The following LRP1B variants were observed in gnomAD, a reference collection of about 807,000 sequenced individuals.
The protein encoded by LRP1B is LDL receptor related protein 1B.
A neutral mutation model predicts 556.6 loss-of-function variants in LRP1B; 217 were observed. The ratio of observed to expected loss-of-function variants is 0.39; its 90% CI spans 0.35 to 0.44. LRP1B has a LOEUF of 0.44. Ranked by LOEUF, LRP1B falls within the 20% of genes least tolerant of loss-of-function variation. The pLI is 1.00. For missense variants in LRP1B, 5,053 were observed against 5,620.8 expected (o/e 0.90, Z 3.23); for synonymous variants, 2,047 against 1,865.8 (o/e 1.10, Z -2.50).
chr2:141,474,687 T>C (rs1682633025), intron 3 of LRP1B, among the ~76,000 whole-genome samples: 1 of 152,186 alleles, frequency 6.6e-6, no homozygotes, highest in Non-Finnish European at 1.5e-5. Context: ...GGGGATCTTT[T>C]TCTTTTTTAG....
intron 43 of LRP1B, among the ~76,000 whole-genome samples, chr2:140,555,617 T>C (rs1484236704): frequency 6.6e-6 from 1 of 152,148 alleles, no homozygotes; most frequent in African/African-American, 2.4e-5. Context: ...GGTTTAGACC[T>C]GTTAAATAAG....
intron 3 of LRP1B, among the ~76,000 whole-genome samples, chr2:141,416,382 A>T (rs1305148681): frequency 6.6e-6 from 1 of 151,822 alleles, no homozygotes; most frequent in African/African-American, 2.4e-5. Context: ...GGATTAATTT[A>T]GGCAAGACAT....
At chr2:141,439,732 A>G (rs1680888871) in intron 3 of LRP1B, among the ~76,000 whole-genome samples, 7 of 152,172 alleles carry the variant, frequency 4.6e-5, no homozygotes, top group Admixed American at 3.3e-4. Context: ...TGTATGACTC[A>G]GAGGAAAACA....
At chr2:140,977,918 T>C (rs932607247) in intron 18 of LRP1B, among the ~76,000 whole-genome samples, 22 of 152,190 alleles carry the variant, frequency 1.4e-4, no homozygotes, top group African/African-American at 3.9e-4. Context: ...AATTATTTTA[T>C]TGACAACTTA....
At chr2:141,382,949 A>AG (rs1559040979) in intron 3 of LRP1B, among the ~76,000 whole-genome samples, 1 of 152,196 alleles carries the variant, frequency 6.6e-6, no homozygotes, top group Admixed American at 6.5e-5. Context: ...TTAAAGAATG[A>AG]GAAAAAAAAA....
intron 3 of LRP1B, among the ~76,000 whole-genome samples, chr2:141,317,257 G>T (rs191659270): frequency 1.3e-5 from 2 of 151,998 alleles, no homozygotes; most frequent in African/African-American, 4.8e-5. Context: ...CCACACACTG[G>T]GTATCTTAAA....
At chr2:141,187,831 C>T (rs1464967511) in intron 7 of LRP1B, among the ~76,000 whole-genome samples, 1 of 150,982 alleles carries the variant, frequency 6.6e-6, no homozygotes. Context: ...AAGTAGCTTG[C>T]AAAATTGGGA....
At chr2:142,008,094 A>G (rs890506675) in intron 1 of LRP1B, among the ~76,000 whole-genome samples, 2 of 152,186 alleles carry the variant, frequency 1.3e-5, no homozygotes, top group Admixed American at 6.5e-5. Flanking sequence ...GGCAAAAAGA[A>G]GAAGGATTCA....
At chr2:140,590,825 T>G (rs1683132039) in intron 43 of LRP1B, among the ~76,000 whole-genome samples, 1 of 152,182 alleles carries the variant, frequency 6.6e-6, no homozygotes, top group African/African-American at 2.4e-5. Flanking sequence ...ATTTTTTCAT[T>G]CAAGAAATAT....
chr2:140,943,900 A>G (rs1695470452), intron 20 of LRP1B, among the ~76,000 whole-genome samples: 1 of 152,162 alleles, frequency 6.6e-6, no homozygotes, highest in Non-Finnish European at 1.5e-5. Flanking sequence ...GGCTAGCAGA[A>G]GAAAAGAAAT....
chr2:140,739,215 A>T (rs544024612), intron 35 of LRP1B, among the ~76,000 whole-genome samples: 3 of 152,348 alleles, frequency 2.0e-5, no homozygotes, highest in Admixed American at 2.0e-4. Context: ...GTCAGCCACC[A>T]TATGGGTGAG....
In LRP1B at chr2:141,778,158, T is replaced by A. The variant is rs187246414; in HGVS notation, c.205+32121A>T. Among the ~76,000 whole-genome samples, 337 of 152,288 alleles carry A rather than the reference T, an allele frequency of 2.2e-3. 1 individual carries two copies. Among genetic ancestry groups the A allele is most frequent in the African/African-American group, 7.8e-3 (324 of 41,562 alleles). ...AGTTTGCTGTTATTAATATTAATAT[T>A]GTTGATATATTCTAAAGAGACTATT... On this transcript the variant is annotated intron_variant, in intron 2 of 90. Transcript: ENST00000389484.
chr2:140,758,085 T>G (rs1041490571), intron 35 of LRP1B, among the ~76,000 whole-genome samples: 1 of 152,110 alleles, frequency 6.6e-6, no homozygotes, highest in Non-Finnish European at 1.5e-5. Flanking sequence ...AAGATGTTAG[T>G]TAAAATAAAG....
chr2:140,772,242 G>A (rs566324220), intron 33 of LRP1B, among the ~76,000 whole-genome samples: 3 of 151,010 alleles, frequency 2.0e-5, no homozygotes, highest in African/African-American at 7.3e-5. Flanking sequence ...ATGAAATTTT[G>A]TTTCTCTCAT....
intron 60 of LRP1B, among the ~76,000 whole-genome samples, chr2:140,459,594 T>C (rs957152971): frequency 1.3e-5 from 2 of 152,234 alleles, no homozygotes; most frequent in African/African-American, 4.8e-5. Flanking sequence ...CTACAGGTGA[T>C]ATTTATTAAG....
chr2:141,627,310 A>C (rs1287323495), intron 2 of LRP1B, among the ~76,000 whole-genome samples: 1 of 152,254 alleles, frequency 6.6e-6, no homozygotes, highest in Non-Finnish European at 1.5e-5. Flanking sequence ...ATAAGTAGGC[A>C]GAGCACAGAG....
intron 83 of LRP1B, among the ~76,000 whole-genome samples, chr2:140,299,201 T>G (rs894698967): frequency 6.6e-6 from 1 of 152,052 alleles, no homozygotes; most frequent in African/African-American, 2.4e-5. Flanking sequence ...GATTCTACAT[T>G]GAAGAAGTCT....
At chr2:141,219,241 C>G (rs574257954) in intron 6 of LRP1B, among the ~76,000 whole-genome samples, 1 of 152,290 alleles carries the variant, frequency 6.6e-6, no homozygotes, top group East Asian at 1.9e-4. Context: ...CTGAGGCTGT[C>G]ATCAGCCATT....
At chr2:141,158,628 G>C (rs1173021316) in intron 7 of LRP1B, among the ~76,000 whole-genome samples, 1 of 151,992 alleles carries the variant, frequency 6.6e-6, no homozygotes, top group Non-Finnish European at 1.5e-5. Flanking sequence ...CCAATGTCGT[G>C]GTGTAAGTTA....
Sources: allele counts gnomAD v4.1 joint callset (sites outside exome capture counted in the v4.1 genomes callset), GRCh38; gene constraint gnomAD v4.1.1; transcripts MANE v1.5; gene names NCBI Gene and HGNC (gene_info 2026-07-23, HGNC 2026-07-21).